Variants in NRCAM observed in about 807,000 individuals in gnomAD.
The protein encoded by NRCAM is NgCAM-related cell adhesion molecule.
NRCAM carries 83 observed loss-of-function variants against 156.5 expected under a neutral mutation model. The observed-to-expected ratio is 0.53, with a 90% CI of 0.44 to 0.64. The LOEUF is 0.64. NRCAM is among the 30% of genes least tolerant of loss of function. The probability of loss-of-function intolerance (pLI) is 0.00; values close to 1 mark genes in which losing one functional copy is unlikely to be tolerated. For missense variants in NRCAM, 1,417 were observed against 1,597.3 expected (o/e 0.89, Z 1.92); for synonymous variants, 538 against 563.9 (o/e 0.95, Z 0.65).
At chr7:108,297,935 C>T (rs1408935791) in intron 3 of NRCAM, among the ~76,000 whole-genome samples, 1 of 152,200 alleles carries the variant, frequency 6.6e-6, no homozygotes, top group Non-Finnish European at 1.5e-5. Context: ...GAAGAGTGTT[C>T]CAGACAGAGG....
chr7:108,210,692 G>A (rs2083720582), intron 11 of NRCAM, among the ~76,000 whole-genome samples: 1 of 152,252 alleles, frequency 6.6e-6, no homozygotes, highest in African/African-American at 2.4e-5. Flanking sequence ...CCTTAATAGG[G>A]ATAATAATGC....
chr7:108,359,414 C>T (rs1040389820), intron 2 of NRCAM, among the ~76,000 whole-genome samples: 1 of 152,116 alleles, frequency 6.6e-6, no homozygotes, highest in Admixed American at 6.5e-5. Context: ...AGGAGGGTGA[C>T]CTCTGATATG....
intron 3 of NRCAM, among the ~76,000 whole-genome samples, chr7:108,312,180 T>C (rs2098811866): frequency 6.6e-6 from 1 of 152,118 alleles, no homozygotes; most frequent in Non-Finnish European, 1.5e-5. Flanking sequence ...CAAAGTAACA[T>C]TTAAACTTTC....
intron 1 of NRCAM, among the ~76,000 whole-genome samples, chr7:108,429,244 T>C (rs545721288): frequency 2.6e-5 from 4 of 152,214 alleles, no homozygotes; most frequent in Admixed American, 2.6e-4. Context: ...CAGGCTGGAG[T>C]GCAATGGCAC....
intron 2 of NRCAM, among the ~76,000 whole-genome samples, chr7:108,399,007 C>A (rs117702469): frequency 3.9e-5 from 6 of 152,126 alleles, no homozygotes; most frequent in African/African-American, 1.4e-4. Context: ...CAAATAATAC[C>A]TCATGGTTTA....
intron 13 of NRCAM, among the ~76,000 whole-genome samples, chr7:108,201,150 G>C (rs2077832173): frequency 7.5e-6 from 1 of 132,530 alleles, no homozygotes; most frequent in Non-Finnish European, 1.6e-5. Flanking sequence ...ATAAAGTAGA[G>C]AAACAAACTA....
chr7:108,229,987 T>C (rs543067697), intron 8 of NRCAM, among the ~76,000 whole-genome samples: 1 of 152,164 alleles, frequency 6.6e-6, no homozygotes, highest in African/African-American at 2.4e-5. Context: ...CCTCATAGGG[T>C]TGTTGTAAAA....
At chr7:108,268,637 G>GGTA (rs2097209079) in intron 3 of NRCAM, among the ~76,000 whole-genome samples, 20 of 48,612 alleles carry the variant, frequency 4.1e-4, no homozygotes, top group Admixed American at 6.6e-4. Flanking sequence ...GGGGGGGGTT[G>GGTA]GGGGGGGCGG....
intron 2 of NRCAM, among the ~76,000 whole-genome samples, chr7:108,369,334 TC>T (rs1299809458): frequency 2.0e-5 from 3 of 152,116 alleles, no homozygotes; most frequent in Non-Finnish European, 2.9e-5. Context: ...TGTACATTTA[TC>T]AGAATAGTAT....
intron 2 of NRCAM, among the ~76,000 whole-genome samples, chr7:108,393,841 A>G (rs1461226032): frequency 6.6e-6 from 1 of 152,178 alleles, no homozygotes; most frequent in Non-Finnish European, 1.5e-5. Flanking sequence ...TCCCATCCTC[A>G]TACACACACG....
At chr7:108,335,451 T>TTTTTTTTTTA in intron 2 of NRCAM, among the ~76,000 whole-genome samples, 2 of 145,434 alleles carry the variant, frequency 1.4e-5, no homozygotes, top group African/African-American at 2.5e-5. Context: ...TTTTTTTTTT[T>TTTTTTTTTTA]TTTTTTTTCA....
intron 2 of NRCAM, among the ~76,000 whole-genome samples, chr7:108,315,933 T>C (rs957504677): frequency 1.3e-5 from 2 of 152,224 alleles, no homozygotes; most frequent in Non-Finnish European, 2.9e-5. Flanking sequence ...GCAAATTACA[T>C]TGATAGAGGA....
intron 3 of NRCAM, among the ~76,000 whole-genome samples, chr7:108,310,000 T>C (rs1053993699): frequency 2.0e-5 from 3 of 152,230 alleles, no homozygotes; most frequent in African/African-American, 7.2e-5. Context: ...CTATTATCTA[T>C]TCAGGATGTA....
intron 3 of NRCAM, among the ~76,000 whole-genome samples, chr7:108,281,394 C>G (rs1384770140): frequency 6.6e-6 from 1 of 151,988 alleles, no homozygotes; most frequent in Non-Finnish European, 1.5e-5. Flanking sequence ...GGGGAGATAA[C>G]AGGAGACTGT....
At position 108,308,895 on chromosome 7, in the gene NRCAM, C is replaced by T. The variant is rs113887979; in HGVS notation, c.-107+3770G>A. ...CTAATCAATAAAGGCATCTCAATCA[C>T]GGATGTGAATAAAACTCAGAGATAA... On this transcript the variant is annotated intron_variant, in intron 3 of 32. Transcript: ENST00000379028. Among the ~76,000 whole-genome samples the T allele has an allele frequency of 1.0e-2, 1,516 of 152,228 alleles. 33 individuals carry two copies. Among genetic ancestry groups the T allele is most frequent in the African/African-American group, 0.035 (1,436 of 41,532 alleles).
chr7:108,232,727 T>C (rs765679961), intron 6 of NRCAM, among the ~76,000 whole-genome samples: 21 of 152,154 alleles, frequency 1.4e-4, no homozygotes, highest in Non-Finnish European at 2.2e-4. Flanking sequence ...AAGGTACCTG[T>C]CTTCTTTAGA....
chr7:108,348,069 G>A (rs1357845558), intron 2 of NRCAM, among the ~76,000 whole-genome samples: 1 of 152,178 alleles, frequency 6.6e-6, no homozygotes, highest in Non-Finnish European at 1.5e-5. Flanking sequence ...CCCCAAATAC[G>A]CAGGTAAGAA....
chr7:108,370,111 T>C (rs17420235), intron 2 of NRCAM, among the ~76,000 whole-genome samples: 7,997 of 152,238 alleles, frequency 0.053, 270 homozygotes, highest in East Asian at 0.12. Context: ...TGTAGTTCTC[T>C]ATACTTATCA....
intron 2 of NRCAM, among the ~76,000 whole-genome samples, chr7:108,380,407 T>A (rs75112229): frequency 6.6e-6 from 1 of 152,196 alleles, no homozygotes; most frequent in African/African-American, 2.4e-5. Flanking sequence ...TGTGCAGCTA[T>A]TGAGTTTTAA....
Sources: allele counts gnomAD v4.1 joint callset (sites outside exome capture counted in the v4.1 genomes callset), GRCh38; gene constraint gnomAD v4.1.1; transcripts MANE v1.5; gene names NCBI Gene and HGNC (gene_info 2026-07-23, HGNC 2026-07-21).